Variants in RBFOX1 observed in about 807,000 individuals in gnomAD.
RBFOX1 encodes the protein RNA binding fox-1 homolog 1, also known as RNA binding protein fox-1 homolog 1.
RBFOX1 carries 8 observed loss-of-function variants against 57.7 expected under a neutral mutation model. The ratio of observed to expected loss-of-function variants is 0.14; its 90% CI spans 0.08 to 0.25. The LOEUF (loss-of-function observed/expected upper bound fraction) is 0.25, where lower values mean the gene tolerates loss of function less well. Among genes scored for constraint, RBFOX1 ranks in the 10% least tolerant of loss-of-function variants. The pLI, the probability that RBFOX1 is intolerant of heterozygous loss-of-function variation, is 1.00. For missense variants in RBFOX1, 611 were observed against 548.5 expected, an observed-to-expected ratio of 1.11 and a Z score of -1.14; for synonymous variants, 326 against 222.4, an observed-to-expected ratio of 1.47 and a Z score of -4.15.
At chr16:6,896,820 T>G (rs1187626284) in intron 3 of RBFOX1, among the ~76,000 whole-genome samples, 1 of 152,054 alleles carries the variant, frequency 6.6e-6, no homozygotes, top group Non-Finnish European at 1.5e-5. Flanking sequence ...GATGAGTTTA[T>G]AGGATAGAAA....
chr16:6,738,367 G>C (rs2071042152), intron 3 of RBFOX1, among the ~76,000 whole-genome samples: 1 of 152,080 alleles, frequency 6.6e-6, no homozygotes, highest in Non-Finnish European at 1.5e-5. Context: ...TGAGGGTCCG[G>C]GGAGCAAGGC....
At chr16:6,861,688 G>C (rs2059028703) in intron 3 of RBFOX1, among the ~76,000 whole-genome samples, 1 of 151,956 alleles carries the variant, frequency 6.6e-6, no homozygotes. Context: ...TGTGTATAAT[G>C]AGGTCAAATT....
chr16:6,548,740 A>T (rs1272134875), intron 2 of RBFOX1, among the ~76,000 whole-genome samples: 3 of 152,084 alleles, frequency 2.0e-5, no homozygotes, highest in African/African-American at 7.2e-5. Flanking sequence ...CTCTCTTGGT[A>T]CCAGGCATCG....
intron 3 of RBFOX1, among the ~76,000 whole-genome samples, chr16:6,938,586 T>TC (rs35147916): frequency 0.13 from 19,755 of 151,896 alleles, 1,375 homozygotes; most frequent in East Asian, 0.24. Context: ...CATTTTTTTT[T>TC]CCTCTGGCTA....
At chr16:5,522,418 C>T (rs144598507) in intron 2 of RBFOX1, among the ~76,000 whole-genome samples, 1,642 of 152,334 alleles carry the variant, frequency 0.011, 11 homozygotes, top group Non-Finnish European at 0.018. Context: ...TTAACTGATA[C>T]ATAGTATTTG....
At chr16:5,356,188 A>C (rs1297348833) in intron 1 of RBFOX1, among the ~76,000 whole-genome samples, 1 of 152,200 alleles carries the variant, frequency 6.6e-6, no homozygotes. Context: ...CTAACAGCCA[A>C]GGGGTGGCAA....
At chr16:6,900,731 C>T (rs13333405) in intron 3 of RBFOX1, among the ~76,000 whole-genome samples, 2 of 152,182 alleles carry the variant, frequency 1.3e-5, no homozygotes, top group Non-Finnish European at 2.9e-5. Flanking sequence ...CCGTTCCTAT[C>T]TTTCGTCTAA....
chr16:7,304,040 C>A (rs897699946), intron 4 of RBFOX1, among the ~76,000 whole-genome samples: 8 of 151,896 alleles, frequency 5.3e-5, no homozygotes, highest in Admixed American at 4.6e-4. Context: ...AAAAGCCAGA[C>A]GACCGCGCGA....
chr16:6,051,695 C>A (rs769079908), intron 1 of RBFOX1, among the ~76,000 whole-genome samples: 1 of 152,142 alleles, frequency 6.6e-6, no homozygotes, highest in South Asian at 2.1e-4. Flanking sequence ...TCCCAAGTAG[C>A]TGAGATTACA....
At chr16:7,261,856 T>G (rs189758966) in intron 4 of RBFOX1, among the ~76,000 whole-genome samples, 1 of 152,276 alleles carries the variant, frequency 6.6e-6, no homozygotes, top group African/African-American at 2.4e-5. Flanking sequence ...TTGGATTCAT[T>G]TGTTCAGGAG....
chr16:7,311,478 C>CTTTTT (rs1190746565), intron 4 of RBFOX1, among the ~76,000 whole-genome samples: 5 of 122,514 alleles, frequency 4.1e-5, no homozygotes, highest in South Asian at 5.4e-4. Flanking sequence ...TGAGCCTTTT[C>CTTTTT]TTTTTTTTTT....
chr16:7,706,160 A>C (rs116110894), intron 14 of RBFOX1, among the ~76,000 whole-genome samples: 230 of 152,296 alleles, frequency 1.5e-3, no homozygotes, highest in African/African-American at 4.7e-3. Flanking sequence ...CTTGTGACTA[A>C]ATTGTAGTGT....
chr16:5,618,456 G>A (rs1376747035), intron 3 of RBFOX1, among the ~76,000 whole-genome samples: 5 of 152,084 alleles, frequency 3.3e-5, no homozygotes, highest in African/African-American at 7.2e-5. Flanking sequence ...TCCTGCCTCA[G>A]CCTCCCAAGT....
chr16:6,289,216 A>C (rs2077205552), intron 1 of RBFOX1, among the ~76,000 whole-genome samples: 1 of 152,174 alleles, frequency 6.6e-6, no homozygotes, highest in Admixed American at 6.5e-5. Context: ...TGCAGATGTC[A>C]CAGAGGTATT....
At position 6,076,481 on chromosome 16, in the gene RBFOX1, T is replaced by C. The variant is rs534383370; in HGVS notation, c.-127+56489T>C. On this transcript the variant is annotated intron_variant, in intron 1 of 15. Transcript: ENST00000550418. ...GCATCAGCCTTGCCTGTTTTTTTGT[T>C]TTTTGAGTTAGGGTCTTGCTCTGTC... Among the ~76,000 whole-genome samples, 6 of 152,182 alleles carry C rather than the reference T, an allele frequency of 3.9e-5. No individual in the cohort carries two copies. In the South Asian group the frequency reaches 1.2e-3, roughly 32 times the overall value.
chr16:7,073,293 T>C (rs2057698029), intron 4 of RBFOX1, among the ~76,000 whole-genome samples: 1 of 152,200 alleles, frequency 6.6e-6, no homozygotes, highest in Admixed American at 6.5e-5. Flanking sequence ...TTGGCTCTTT[T>C]CAGAAAATGT....
At chr16:7,410,712 G>A (rs901572116) in intron 4 of RBFOX1, among the ~76,000 whole-genome samples, 5 of 151,908 alleles carry the variant, frequency 3.3e-5, no homozygotes, top group African/African-American at 1.2e-4. Context: ...AACAAACTGA[G>A]GTCTCTTCTG....
intron 3 of RBFOX1, among the ~76,000 whole-genome samples, chr16:5,672,267 C>T (rs1007227871): frequency 1.3e-5 from 2 of 152,170 alleles, no homozygotes; most frequent in Non-Finnish European, 2.9e-5. Flanking sequence ...GCCTACCTCT[C>T]TGATGAGTAA....
intron 3 of RBFOX1, among the ~76,000 whole-genome samples, chr16:6,814,854 C>T (rs146004137): frequency 6.6e-6 from 1 of 152,106 alleles, no homozygotes; most frequent in African/African-American, 2.4e-5. Flanking sequence ...ATCCAGACGC[C>T]AAGAGAGGGT....
Sources: gnomAD v4.1 joint callset for allele counts (sites outside exome capture counted in the v4.1 genomes callset) on GRCh38, gnomAD v4.1.1 for gene constraint, MANE v1.5 for transcripts, NCBI Gene and HGNC (gene_info 2026-07-23, HGNC 2026-07-21) for gene names.